The following AFAP1L2 variants were observed in gnomAD, a reference collection of about 807,000 sequenced individuals.
AFAP1L2 encodes actin filament associated protein 1 like 2.
AFAP1L2 carries 46 observed loss-of-function variants against 99.3 expected under a neutral mutation model. That is an observed-to-expected ratio of 0.46 (90% CI 0.37 to 0.59). The LOEUF (loss-of-function observed/expected upper bound fraction) is 0.59. AFAP1L2 is among the 20% of genes least tolerant of loss of function. The probability of loss-of-function intolerance (pLI) is 0.00; values close to 1 mark genes in which losing one functional copy is unlikely to be tolerated. For missense variants in AFAP1L2, 959 were observed against 1,034.9 expected (o/e 0.93, Z 1.01); for synonymous variants, 397 against 419.1 (o/e 0.95, Z 0.64).
intron 11 of AFAP1L2, 145 bp from the exon 12 acceptor site, chr10:114,302,629 TCAC>T: frequency 1.0e-6 from 1 of 962,592 alleles, no homozygotes; most frequent in Non-Finnish European, 1.5e-6. Context: ...CTTCTCCTGT[TCAC>T]CAGCCTATCC....
At position 114,377,769 on chromosome 10, in the gene AFAP1L2, A is replaced by T. The variant is rs2055002390; in HGVS notation, c.16+26671T>A. On this transcript the variant is annotated intron_variant, in intron 1 of 18. Transcript: ENST00000304129. The surrounding 1 kb of genome is among the most constrained non-coding windows in gnomAD (Gnocchi z 4.0). ...GTATCTGTGAACCAAGTGCTGAGAA[A>T]CACAGAGGAAGGAGGACCTGTTGGC... 6.6e-6 allele frequency among the ~76,000 whole-genome samples: 1 copy of T among 152,250 alleles called. No individual in the cohort carries two copies.
chr10:114,325,739 T>C (rs1262209993), intron 4 of AFAP1L2: 7 of 788,830 alleles, frequency 8.9e-6, no homozygotes, highest in Non-Finnish European at 1.2e-5. Context: ...AGCCCCAGCC[T>C]GGTACAAGAT....
At chr10:114,350,504 T>G (rs1161583995) in intron 1 of AFAP1L2, among the ~76,000 whole-genome samples, 3 of 152,292 alleles carry the variant, frequency 2.0e-5, no homozygotes, top group African/African-American at 7.2e-5. Context: ...TCTAAACAGA[T>G]AGACAGACAC....
chr10:114,384,271 C>G (rs1209717708), intron 1 of AFAP1L2, among the ~76,000 whole-genome samples: 1 of 152,166 alleles, frequency 6.6e-6, no homozygotes, highest in East Asian at 1.9e-4. Context: ...CAGCTGCACC[C>G]TCCCCACGGC....
chr10:114,307,555 TAGG>T (rs2042617082), intron 10 of AFAP1L2, among the ~76,000 whole-genome samples: 1 of 151,730 alleles, frequency 6.6e-6, no homozygotes, highest in Non-Finnish European at 1.5e-5. Flanking sequence ...AAAAGAATAC[TAGG>T]AGGACACCAA....
intron 1 of AFAP1L2, among the ~76,000 whole-genome samples, chr10:114,400,949 T>C (rs1160144715): frequency 3.3e-5 from 5 of 152,162 alleles, no homozygotes. Context: ...AAATAACAAA[T>C]ACAGATGATT....
intron 5 of AFAP1L2, among the ~76,000 whole-genome samples, chr10:114,318,478 C>T (rs572703281): frequency 8.6e-4 from 131 of 152,178 alleles, no homozygotes; most frequent in African/African-American, 3.1e-3. Flanking sequence ...GTGGCTCACA[C>T]CTGTAATCCC....
chr10:114,303,833 C>G (rs185856508), intron 11 of AFAP1L2, among the ~76,000 whole-genome samples: 1 of 152,334 alleles, frequency 6.6e-6, no homozygotes, highest in East Asian at 1.9e-4. Flanking sequence ...GGATCAAGCC[C>G]TGTCCCTCCC....
chr10:114,291,205 C>T, downstream of AFAP1L2: 1 of 1,550,578 alleles, frequency 6.4e-7, no homozygotes, highest in Non-Finnish European at 8.7e-7. Flanking sequence ...TCAGACTTCA[C>T]TTCCTTCCCC....
At chr10:114,289,677 CATTT>C in the AFAP1L2 span, 3 of 640,564 alleles carry the variant, frequency 4.7e-6, no homozygotes, top group Non-Finnish European at 8.1e-6. Flanking sequence ...TCCTATTTGA[CATTT>C]AAGGTACAGA....
At chr10:114,361,684 A>G (rs1045362334) in intron 1 of AFAP1L2, among the ~76,000 whole-genome samples, 1 of 152,146 alleles carries the variant, frequency 6.6e-6, no homozygotes, top group African/African-American at 2.4e-5. Flanking sequence ...AGCCAGCTAC[A>G]TCGTTGTGCT....
intron 5 of AFAP1L2, among the ~76,000 whole-genome samples, chr10:114,317,433 G>T (rs1283878414): frequency 1.3e-5 from 2 of 152,110 alleles, no homozygotes; most frequent in Non-Finnish European, 2.9e-5. Flanking sequence ...TACGTTATAG[G>T]TGACAACGTA....
intron 5 of AFAP1L2, chr10:114,319,501 C>T: frequency 8.1e-7 from 1 of 1,227,776 alleles, no homozygotes; most frequent in Non-Finnish European, 1.1e-6. Context: ...ATGCACACAT[C>T]TTTGAGAGAC....
chr10:114,288,398 A>C, the AFAP1L2 span, among the ~76,000 whole-genome samples: 1 of 152,210 alleles, frequency 6.6e-6, no homozygotes, highest in Non-Finnish European at 1.5e-5. Context: ...TCCATACAGC[A>C]TCTAATTAGT....
In AFAP1L2 at chr10:114,322,690, C is replaced by T. The variant is rs563547362; in HGVS notation, c.406+481G>A. Among the ~76,000 whole-genome samples the T allele has an allele frequency of 9.3e-4, 142 of 152,280 alleles. 1 individual carries two copies. In the Middle Eastern group the frequency reaches 0.01, roughly 11 times the overall value. On this transcript the variant is annotated intron_variant, in intron 5 of 18. Transcript: ENST00000304129. The stretch of plus-strand genomic sequence containing the variant: ...TGTTTTCTCTCACGGAATGTCAGTG[C>T]TGGGATGACTGGGCTCCTGTCCCTG...
chr10:114,363,272 G>C, intron 1 of AFAP1L2: 11 of 715,554 alleles, frequency 1.5e-5, no homozygotes, highest in Non-Finnish European at 1.9e-5. Context: ...CTTCTTTACC[G>C]TAACATGTAG....
At chr10:114,286,630 C>A in the AFAP1L2 span, 1 of 843,606 alleles carries the variant, frequency 1.2e-6, no homozygotes, top group Non-Finnish European at 1.8e-6. Context: ...AACCACAGCC[C>A]CACTCTTTCA....
chr10:114,387,437 T>C (rs1205488044), intron 1 of AFAP1L2, among the ~76,000 whole-genome samples: 1 of 152,148 alleles, frequency 6.6e-6, no homozygotes, highest in African/African-American at 2.4e-5. Context: ...AATGGCAGCA[T>C]TACTAAAAGC....
intron 1 of AFAP1L2, among the ~76,000 whole-genome samples, chr10:114,348,375 C>T (rs1413461414): frequency 6.6e-6 from 1 of 152,146 alleles, no homozygotes; most frequent in African/African-American, 2.4e-5. Context: ...TTATAGGCAG[C>T]CCTCTCCCTA....
Sources: allele counts gnomAD v4.1 joint callset (sites outside exome capture counted in the v4.1 genomes callset), GRCh38; gene constraint gnomAD v4.1.1; non-coding constraint Gnocchi (gnomAD v3.1); transcripts MANE v1.5; gene names NCBI Gene and HGNC (gene_info 2026-07-23, HGNC 2026-07-21).